The following CLU variants were observed in gnomAD, a reference collection of about 807,000 sequenced individuals.
The protein encoded by CLU is clusterin.
CLU carries 25 observed loss-of-function variants against 46.4 expected under a neutral mutation model. The ratio of observed to expected loss-of-function variants is 0.54; its 90% CI spans 0.39 to 0.75. CLU has a LOEUF of 0.75. CLU is among the 30% of genes least tolerant of loss of function. CLU has a pLI of 0.00. For synonymous variants in CLU, 235 were observed against 235.1 expected (o/e 1.00, Z 0.00); for missense variants, 504 against 592.1 (o/e 0.85, Z 1.54).
intron 6 of CLU, among the ~76,000 whole-genome samples, chr8:27,603,615 C>A (rs1054414946): frequency 1.3e-5 from 2 of 152,160 alleles, no homozygotes; most frequent in African/African-American, 4.8e-5. Context: ...GGGAAATATT[C>A]CCTTTGCCTA....
At chr8:27,614,217 A>T (rs1414874634) in intron 1 of CLU, 1 of 154,622 alleles carries the variant, frequency 6.5e-6, no homozygotes, top group Non-Finnish European at 1.4e-5. Context: ...AGAAAACTAG[A>T]TGACTCATGC....
rs144959547 is a variant in CLU, at chr8:27,598,486, C to T, written c.1314G>A (p.Ala438=). The change falls in exon 8 of 9, where the codon GCG becomes GCA. Residue 438 remains alanine (A), a synonymous_variant. Transcript: ENST00000316403. ...PKFMETVAEK[A]LQEYRKKHRE... ...GGTGCTTTTTGCGGTATTCCTGCAG[C>T]GCTTTCTCCGCCACGGTCTCCATAA... 2.5e-5 allele frequency: 41 copies of T among 1,613,918 alleles called. No homozygotes were observed. Among genetic ancestry groups the T allele is most frequent in the South Asian group, 5.5e-5 (5 of 91,084 alleles).
chr8:27,597,670 G>A lies in CLU; in HGVS notation c.*571C>T. On this transcript the variant is annotated 3_prime_UTR_variant, in exon 9 of 9. Coordinates refer to ENST00000316403, the MANE Select transcript of CLU (RefSeq NM_001831.4). The stretch of plus-strand genomic sequence containing the variant: ...CTTAACTTTCAGTGTATTCCTTTAG[G>A]AGATTGTCGCACCTTGGTCAGAATA... 6.6e-6 allele frequency: 3 copies of A among 454,054 alleles called. No individual in the cohort carries two copies. The highest frequency in any genetic ancestry group is 3.1e-5 in the South Asian group (2 of 64,468). 28.1% of individuals were successfully genotyped at this position (454,054 alleles called of 1,614,324 possible).
intron 6 of CLU, among the ~76,000 whole-genome samples, chr8:27,601,536 TTG>T (rs1800721748): frequency 6.6e-6 from 1 of 152,196 alleles, no homozygotes; most frequent in Non-Finnish European, 1.5e-5. Flanking sequence ...GGGCTGCAGG[TTG>T]TCAGATTCAT....
Position 27,610,420 on chromosome 8 carries a change from G to T in CLU, c.97+55C>A, listed in dbSNP as rs185445296. 13 of 1,397,112 alleles carry T rather than the reference G, an allele frequency of 9.3e-6. No individual in the cohort carries two copies. In the East Asian group the frequency reaches 2.7e-4, roughly 29 times the overall value. The allele number at this position is 1,397,112 out of a possible 1,614,324, so 86.5% of individuals were successfully genotyped here. ...GGCACTGAGCAGAATTAGCTACCCT[G>T]CCCTCTGACCTCATCACCCTGTGGC... is the stretch of plus-strand genomic sequence containing the variant. On this transcript the variant is annotated intron_variant, in intron 2 of 8. Transcript: ENST00000316403.
intron 8 of CLU, 65 bp downstream of exon 8, chr8:27,598,395 T>TC: frequency 2.5e-6 from 4 of 1,608,002 alleles, no homozygotes; most frequent in Non-Finnish European, 3.4e-6. Flanking sequence ...ACTTTGTTTG[T>TC]TTTTTTGTGG....
At chr8:27,612,540 G>A (rs374091150) in intron 1 of CLU, among the ~76,000 whole-genome samples, 6 of 152,102 alleles carry the variant, frequency 3.9e-5, no homozygotes, top group Non-Finnish European at 8.8e-5. Flanking sequence ...GTGGTCCCCC[G>A]GACTGTGTGG....
chr8:27,598,581 C>G lies in CLU; in HGVS notation c.1219G>C (p.Val407Leu). 6.2e-7 allele frequency: 1 copy of G among 1,614,148 alleles called. No individual in the cohort carries two copies. The highest frequency in any genetic ancestry group is 8.5e-7 in the Non-Finnish European group (1 of 1,180,014). Residue 407 changes from valine (V) to leucine (L), a missense_variant, in exon 8 of 9, where the codon GTG (valine) becomes CTG (leucine). Coordinates refer to ENST00000316403, the MANE Select transcript of CLU (RefSeq NM_001831.4). ...DVPSGVTEVVVKLFDSDPITV... is the reference protein window; with the variant it reads ...DVPSGVTEVVLKLFDSDPITV... ...ATGGGATCAGAGTCAAAGAGCTTCA[C>G]GACCACCTCAGTGACACCGGAAGGA...
intron 3 of CLU, among the ~76,000 whole-genome samples, chr8:27,606,977 A>AC (rs1473578908): frequency 6.6e-6 from 1 of 152,238 alleles, no homozygotes; most frequent in African/African-American, 2.4e-5. Flanking sequence ...GGCATTCAGC[A>AC]CCAAAGCCAC....
Position 27,598,811 on chromosome 8 carries a change from G to C in CLU, c.1165-176C>G, listed in dbSNP as rs1420053087. ...GTAAGTACAGCTCAGTGGACAGAACGGACCTGGTTCACAGACACTCATGTG... is the reference window on the plus strand; with the variant it reads ...GTAAGTACAGCTCAGTGGACAGAACCGACCTGGTTCACAGACACTCATGTG... On this transcript the variant is annotated intron_variant, in intron 7 of 8. Transcript: ENST00000316403. 5 of 648,656 alleles carry C rather than the reference G, an allele frequency of 7.7e-6. No individual in the cohort carries two copies. The East Asian group carries it at 1.1e-4, about 14-fold the overall frequency. The allele number at this position is 648,656 out of a possible 1,614,324, so 40.2% of individuals were successfully genotyped here. A position where few individuals can be genotyped will look rare whatever the true frequency, so the allele number is the denominator to read the frequency against.
At chr8:27,600,117 T>C in intron 6 of CLU, 108 bp from the exon 7 acceptor site, 1 of 844,948 alleles carries the variant, frequency 1.2e-6, no homozygotes, top group Admixed American at 2.0e-5. Context: ...ACAAAAGCAG[T>C]GCTTCCCTAA....
chr8:27,597,430 T>C lies in CLU; in HGVS notation c.*811A>G. The C allele has an allele frequency of 2.2e-6, 1 of 454,380 alleles. No homozygotes were observed. The highest frequency in any genetic ancestry group is 1.6e-5 in the South Asian group (1 of 64,478). The allele number at this position is 454,380 out of a possible 1,614,324, so 28.1% of individuals were successfully genotyped here. A position where few individuals can be genotyped will look rare whatever the true frequency, so the allele number is the denominator to read the frequency against. ...GTATGAAGATCATATAAACCGGCGG[T>C]GGACAGGAAATGCCACAGTCAAGAA... On this transcript the variant is annotated 3_prime_UTR_variant, in exon 9 of 9. Transcript: ENST00000316403.
At chr8:27,598,376 A>G in intron 8 of CLU, 84 bp downstream of exon 8, 16 of 1,598,870 alleles carry the variant, frequency 1.0e-5, no homozygotes, top group Non-Finnish European at 1.4e-5. Context: ...ACCAGGCTAT[A>G]GAGTCTGCAC....
chr8:27,611,864 C>T (rs1253376538), intron 1 of CLU: 3 of 427,052 alleles, frequency 7.0e-6, no homozygotes, highest in Non-Finnish European at 1.4e-5. Flanking sequence ...TCTGCCCCAG[C>T]TGCCCACTGA....
intron 2 of CLU, among the ~76,000 whole-genome samples, chr8:27,609,934 C>T (rs1435489254): frequency 6.6e-6 from 1 of 152,022 alleles, no homozygotes; most frequent in Non-Finnish European, 1.5e-5. Context: ...CTTAAATATA[C>T]ACAATTTTTA....
intron 6 of CLU, among the ~76,000 whole-genome samples, chr8:27,601,822 A>AGCCAGGCATGCTG (rs111889942): frequency 1.1e-4 from 17 of 151,916 alleles, no homozygotes; most frequent in Non-Finnish European, 2.4e-4. Flanking sequence ...AAGAAAAACT[A>AGCCAGGCATGCTG]GCTCACACCT....
rs1800686651 is a variant in CLU, at chr8:27,599,870, C to T, written c.1074G>A (p.Leu358=). 6.2e-7 allele frequency: 1 copy of T among 1,614,146 alleles called. No homozygotes were observed. The highest frequency in any genetic ancestry group is 8.5e-7 in the Non-Finnish European group (1 of 1,180,032). The change falls in exon 7 of 9, where the codon TTG becomes TTA. Residue 358 remains leucine (L), a synonymous_variant. Coordinates refer to ENST00000316403, the MANE Select transcript of CLU (RefSeq NM_001831.4). This position sits in a 1 kb window ranked among gnomAD's most constrained non-coding sequence, Gnocchi z 4.0. ...YQWKMLNTSS[L]LEQLNEQFNW... is the part of the protein sequence containing the mutation. ...TAAACTGCTCGTTCAGCTGCTCCAG[C>T]AAGGAGGAGGTGTTGAGCATCTTCC... is the stretch of plus-strand genomic sequence containing the variant.
chr8:27,602,297 C>G (rs925280064), intron 6 of CLU, among the ~76,000 whole-genome samples: 3 of 151,612 alleles, frequency 2.0e-5, no homozygotes, highest in African/African-American at 7.3e-5. Context: ...GGACAGCCCC[C>G]AACGACAAAG....
chr8:27,597,443 CCA>C lies in CLU; in HGVS notation c.*796_*797del, dbSNP rs1800623198. ...ATAAACCGGCGGTGGACAGGAAATG[CCA>C]CAGTCAAGAAGATGCCCCTGGGATG... On this transcript the variant is annotated 3_prime_UTR_variant, in exon 9 of 9. Coordinates refer to ENST00000316403, the MANE Select transcript of CLU (RefSeq NM_001831.4). 1 of 454,434 alleles carries C rather than the reference CCA, an allele frequency of 2.2e-6. No homozygotes were observed. The highest frequency in any genetic ancestry group is 4.4e-6 in the Non-Finnish European group (1 of 226,768). 28.2% of individuals were successfully genotyped at this position (454,434 alleles called of 1,614,324 possible).
Sources: allele counts gnomAD v4.1 joint callset (sites outside exome capture counted in the v4.1 genomes callset), GRCh38; gene constraint gnomAD v4.1.1; non-coding constraint Gnocchi (gnomAD v3.1); transcripts MANE v1.5; gene names NCBI Gene and HGNC (gene_info 2026-07-23, HGNC 2026-07-21).